Variants in TENM2 observed in about 807,000 individuals in gnomAD.
TENM2 encodes the protein teneurin-2.
TENM2 carries 52 observed loss-of-function variants against 245.2 expected under a neutral mutation model. The ratio of observed to expected loss-of-function variants is 0.21; its 90% CI spans 0.17 to 0.27. The LOEUF is 0.27. TENM2 is among the 10% of genes least tolerant of loss of function. TENM2 has a pLI of 1.00. For missense variants in TENM2, 3,046 were observed against 3,666.8 expected, an observed-to-expected ratio of 0.83 and a Z score of 4.37; for synonymous variants, 1,363 against 1,438.9, an observed-to-expected ratio of 0.95 and a Z score of 1.19.
At chr5:167,922,082 T>A (rs1431278707) in intron 3 of TENM2, among the ~76,000 whole-genome samples, 1 of 152,210 alleles carries the variant, frequency 6.6e-6, no homozygotes, top group Non-Finnish European at 1.5e-5. Flanking sequence ...AAGTAGGAAC[T>A]GTCTTTGTAC....
At chr5:167,726,008 T>G (rs2150535080) in intron 2 of TENM2, among the ~76,000 whole-genome samples, 1 of 152,218 alleles carries the variant, frequency 6.6e-6, no homozygotes, top group Middle Eastern at 3.4e-3. Flanking sequence ...CTTCTAGAGG[T>G]ATCAGAATTA....
rs569633356 is a variant in TENM2 at position 168,081,610 on chromosome 5, T to C, written c.1516-8964T>C. On this transcript the variant is annotated intron_variant, in intron 7 of 28. Transcript: ENST00000518659. ...TGTTTAGTGCTTCCTTCAGGAGCTC[T>C]TGTAAGGCAGGCCTGGTGGTGACAA... Among the ~76,000 whole-genome samples the C allele has an allele frequency of 7.8e-4, 119 of 152,356 alleles. 1 individual carries two copies. Among genetic ancestry groups the C allele is most frequent in the Middle Eastern group, 6.8e-3 (2 of 294 alleles).
At chr5:167,344,309 CATAT>C (rs1298761207) in intron 1 of TENM2, among the ~76,000 whole-genome samples, 3 of 84,532 alleles carry the variant, frequency 3.5e-5, no homozygotes, top group South Asian at 3.7e-4. Context: ...CACACACACA[CATAT>C]ATATATATAT....
chr5:167,197,214 T>G, the TENM2 span, among the ~76,000 whole-genome samples: 13 of 152,152 alleles, frequency 8.5e-5, no homozygotes, highest in East Asian at 2.5e-3. Context: ...GGACACACAG[T>G]TAATAAGTGG....
chr5:167,690,920 A>AGTGTGTGT (rs1485945921), intron 2 of TENM2, among the ~76,000 whole-genome samples: 54 of 136,534 alleles, frequency 4.0e-4, no homozygotes, highest in African/African-American at 1.2e-3. Flanking sequence ...CGTATATGCG[A>AGTGTGTGT]GTATGTGTGT....
chr5:167,590,779 TG>T (rs892109478), intron 2 of TENM2, among the ~76,000 whole-genome samples: 1 of 152,174 alleles, frequency 6.6e-6, no homozygotes, highest in Non-Finnish European at 1.5e-5. Flanking sequence ...ATTTTGAATA[TG>T]TGGGTTTTGT....
intron 2 of TENM2, among the ~76,000 whole-genome samples, chr5:167,639,856 A>T (rs1779441354): frequency 1.3e-5 from 2 of 152,216 alleles, no homozygotes; most frequent in African/African-American, 4.8e-5. Context: ...TTCTTAATGA[A>T]TATTTTTACA....
chr5:167,327,458 T>C (rs1158857224), intron 1 of TENM2, among the ~76,000 whole-genome samples: 6 of 152,220 alleles, frequency 3.9e-5, no homozygotes, highest in Non-Finnish European at 5.9e-5. Context: ...TAGTCACAAA[T>C]TGGAATAAAT....
At chr5:167,798,432 G>A (rs901910716) in intron 2 of TENM2, among the ~76,000 whole-genome samples, 4 of 152,282 alleles carry the variant, frequency 2.6e-5, no homozygotes, top group Admixed American at 2.0e-4. Context: ...GGAAGAAGAC[G>A]AGAACCTCCA....
intron 5 of TENM2, among the ~76,000 whole-genome samples, chr5:168,042,108 G>C (rs1409525849): frequency 6.6e-6 from 1 of 152,048 alleles, no homozygotes; most frequent in Non-Finnish European, 1.5e-5. Flanking sequence ...AACCCTTTCT[G>C]TCATCCTACC....
chr5:167,755,116 T>C (rs199925103), intron 2 of TENM2: 4 of 1,599,070 alleles, frequency 2.5e-6, no homozygotes, highest in African/African-American at 1.3e-5. Context: ...AGCCAGATCA[T>C]CTCTTATGGA....
chr5:167,554,455 A>G (rs183968088), intron 2 of TENM2, among the ~76,000 whole-genome samples: 198 of 152,302 alleles, frequency 1.3e-3, no homozygotes, highest in African/African-American at 4.4e-3. Context: ...AAGGAGTCCA[A>G]TGGCAAAGGA....
intron 2 of TENM2, among the ~76,000 whole-genome samples, chr5:167,580,706 G>C (rs966536574): frequency 1.3e-5 from 2 of 152,228 alleles, no homozygotes; most frequent in African/African-American, 4.8e-5. Context: ...ATCAAAACTT[G>C]AGGCTGGGCT....
intron 2 of TENM2, among the ~76,000 whole-genome samples, chr5:167,845,508 A>ATAT (rs1342010491): frequency 6.6e-6 from 1 of 152,168 alleles, no homozygotes; most frequent in African/African-American, 2.4e-5. Flanking sequence ...CATGATTTCC[A>ATAT]TATTACTTTG....
At chr5:167,520,488 T>C (rs1195320998) in intron 2 of TENM2, among the ~76,000 whole-genome samples, 3 of 151,270 alleles carry the variant, frequency 2.0e-5, no homozygotes, top group African/African-American at 7.2e-5. Flanking sequence ...AGGGTAAGGC[T>C]TTTGTATGAG....
At chr5:168,043,201 C>T (rs916048550) in intron 5 of TENM2, among the ~76,000 whole-genome samples, 2 of 151,900 alleles carry the variant, frequency 1.3e-5, no homozygotes, top group African/African-American at 4.8e-5. Flanking sequence ...TGAGATGAAG[C>T]AGCAATAACT....
intron 27 of TENM2, among the ~76,000 whole-genome samples, chr5:168,255,392 C>G (rs1055167675): frequency 3.3e-5 from 5 of 152,054 alleles, no homozygotes; most frequent in Admixed American, 1.3e-4. Context: ...ACCTCCACCT[C>G]CTGGTTTCAA....
intron 5 of TENM2, among the ~76,000 whole-genome samples, chr5:168,008,120 G>A (rs1466753558): frequency 6.6e-6 from 1 of 152,158 alleles, no homozygotes; most frequent in African/African-American, 2.4e-5. Context: ...AAACTCCCAA[G>A]GGCTGGAATA....
intron 2 of TENM2, among the ~76,000 whole-genome samples, chr5:167,526,386 A>ACACACACG (rs1266918007): frequency 6.6e-6 from 1 of 151,594 alleles, no homozygotes; most frequent in East Asian, 1.9e-4. Context: ...ACACACACAC[A>ACACACACG]CACACACAGA....
Sources: allele counts gnomAD v4.1 joint callset (sites outside exome capture counted in the v4.1 genomes callset), GRCh38; gene constraint gnomAD v4.1.1; transcripts MANE v1.5; gene names NCBI Gene and HGNC (gene_info 2026-07-23, HGNC 2026-07-21).